The following FGF13 variants were observed in gnomAD, a reference collection of about 807,000 sequenced individuals.
FGF13 encodes the protein fibroblast growth factor 13, also known as fibroblast growth factor homologous factor 2.
Under a neutral mutation model 19.5 loss-of-function variants are expected in FGF13, and 2 were observed. The ratio of observed to expected loss-of-function variants is 0.10; its 90% CI spans 0.04 to 0.32. FGF13 has a LOEUF of 0.32. Ranked by LOEUF, FGF13 falls within the 10% of genes least tolerant of loss-of-function variation. FGF13 has a pLI of 1.00. For synonymous variants in FGF13, 72 were observed against 76.9 expected, an observed-to-expected ratio of 0.94 and a Z score of 0.33; for missense variants, 113 against 192.7, an observed-to-expected ratio of 0.59 and a Z score of 2.45.
At chrX:138,723,571 A>T (rs2090163503) in intron 1 of FGF13, among the ~76,000 whole-genome samples, 2 of 111,535 alleles carry the variant, frequency 1.8e-5, no homozygotes, top group South Asian at 7.5e-4. Flanking sequence ...CGATGCGTGG[A>T]ATTCATGAAT....
chrX:138,855,531 G>A (rs2091252267), downstream of FGF13, among the ~76,000 whole-genome samples: 1 of 111,751 alleles, frequency 8.9e-6, no homozygotes, highest in Admixed American at 9.6e-5. Flanking sequence ...GCAAGACTGA[G>A]GAAAATCTCC....
In FGF13 at chrX:138,616,292, T is replaced by A. The variant is rs2088966901; in HGVS notation, c.*16558A>T. On this transcript the variant is annotated 3_prime_UTR_variant, in exon 5 of 5. Coordinates refer to ENST00000315930, the MANE Select transcript of FGF13 (RefSeq NM_004114.5). ...ATTGAGTAAAAATACCCATTCCAAA[T>A]GGGAGAAGTTGGCCAAAACAAAGGG... The A allele has an allele frequency of 8.9e-6, 1 of 112,517 alleles. No homozygotes were observed. Among genetic ancestry groups the A allele is most frequent in the Admixed American group, 9.4e-5 (1 of 10,657 alleles). The allele number at this position is 112,517 out of a possible 1,213,427, so 9.3% of individuals were successfully genotyped here.
At chrX:138,755,290 C>G (rs1259948575) in intron 3 of FGF13, among the ~76,000 whole-genome samples, 8 of 111,960 alleles carry the variant, frequency 7.1e-5, no homozygotes, top group African/African-American at 2.6e-4. Context: ...ATCAATCAAT[C>G]AATAAACCAA....
At chrX:139,124,634 C>T (rs1378069651) in intron 1 of FGF13, among the ~76,000 whole-genome samples, 3 of 111,722 alleles carry the variant, frequency 2.7e-5, no homozygotes, top group Non-Finnish European at 5.6e-5. Context: ...CTCTAGCTTC[C>T]ACTCTGAGTC....
chrX:138,744,765 T>G (rs1253402375), intron 3 of FGF13, among the ~76,000 whole-genome samples: 9 of 111,713 alleles, frequency 8.1e-5, no homozygotes, highest in African/African-American at 2.9e-4. Flanking sequence ...GGAACGAGTC[T>G]AAATGGGAAG....
At chrX:139,196,433 G>A (rs189749587) in intron 1 of FGF13, among the ~76,000 whole-genome samples, 29 of 111,707 alleles carry the variant, frequency 2.6e-4, no homozygotes, top group African/African-American at 9.1e-4. Flanking sequence ...CCAGGCCAGA[G>A]AAGAAGGAAA....
intron 1 of FGF13, among the ~76,000 whole-genome samples, chrX:139,169,040 T>C (rs2084108990): frequency 8.9e-6 from 1 of 112,112 alleles, no homozygotes; most frequent in Non-Finnish European, 1.9e-5. Context: ...AGGCACTGTG[T>C]TAAGCACTTT....
chrX:139,119,018 A>G (rs1421475325), intron 1 of FGF13, among the ~76,000 whole-genome samples: 1 of 110,838 alleles, frequency 9.0e-6, no homozygotes, highest in Admixed American at 9.6e-5. Flanking sequence ...CCACCAACAC[A>G]AAACCCCATC....
downstream of FGF13, among the ~76,000 whole-genome samples, chrX:138,854,325 T>C (rs1234951373): frequency 1.8e-5 from 2 of 111,963 alleles, no homozygotes; most frequent in Non-Finnish European, 3.8e-5. Flanking sequence ...AATAGAAACC[T>C]GGTATTGGCA....
intron 3 of FGF13, among the ~76,000 whole-genome samples, chrX:138,746,345 AAGTT>A (rs762942395): frequency 9.0e-6 from 1 of 110,914 alleles, no homozygotes; most frequent in South Asian, 3.9e-4. Flanking sequence ...ATGAGGATCT[AAGTT>A]AGCACCTCGT....
intron 1 of FGF13, among the ~76,000 whole-genome samples, chrX:139,081,097 G>A (rs761704262): frequency 9.0e-6 from 1 of 110,592 alleles, no homozygotes; most frequent in Non-Finnish European, 1.9e-5. Flanking sequence ...GCTCCAATTC[G>A]TTTCCTCCCA....
At chrX:138,961,010 GT>G (rs1381235842) in intron 1 of FGF13, among the ~76,000 whole-genome samples, 1 of 111,363 alleles carries the variant, frequency 9.0e-6, no homozygotes, top group Non-Finnish European at 1.9e-5. Context: ...GCCTACTTCT[GT>G]CAACTCGTCA....
intron 1 of FGF13, among the ~76,000 whole-genome samples, chrX:138,882,776 T>C (rs897523761): frequency 6.3e-5 from 7 of 111,689 alleles, no homozygotes; most frequent in Non-Finnish European, 1.3e-4. Context: ...AACTCTTGCA[T>C]GGAAACTCAA....
chrX:138,806,047 T>C (rs776183706), intron 3 of FGF13, among the ~76,000 whole-genome samples: 1 of 111,969 alleles, frequency 8.9e-6, no homozygotes, highest in Non-Finnish European at 1.9e-5. Flanking sequence ...ACTAGGTTAA[T>C]GAAAATAAGA....
At chrX:138,778,580 C>A (rs914464783) in intron 3 of FGF13, among the ~76,000 whole-genome samples, 2 of 112,310 alleles carry the variant, frequency 1.8e-5, no homozygotes, top group Non-Finnish European at 3.8e-5. Flanking sequence ...AATCGGGTCT[C>A]TCCCACGCTA....
intron 3 of FGF13, among the ~76,000 whole-genome samples, chrX:138,781,494 G>A (rs1261967694): frequency 1.3e-4 from 14 of 108,872 alleles, no homozygotes; most frequent in East Asian, 2.9e-4. Flanking sequence ...TATCACCACC[G>A]ATCCCACAGA....
chrX:138,929,878 G>T lies in FGF13; in HGVS notation c.-112-65228C>A, dbSNP rs190073270. Among the ~76,000 whole-genome samples the T allele has an allele frequency of 7.2e-3, 784 of 108,347 alleles. 8 individuals carry two copies. Among genetic ancestry groups the T allele is most frequent in the African/African-American group, 0.025 (733 of 29,727 alleles). The allele number at this position is 108,347 out of a possible 115,157, so 94.1% of individuals were successfully genotyped here. A position where few individuals can be genotyped will look rare whatever the true frequency, so the allele number is the denominator to read the frequency against. ...GCTGTGTGTGTGTGTGTGTGTGTGT[G>T]TGTGTGTGTGTGTGTGTGTGTGTGC... On this transcript the variant is annotated intron_variant, in intron 1 of 2. Transcript: ENST00000421460.
chrX:138,952,746 C>A (rs1291613822), intron 1 of FGF13, among the ~76,000 whole-genome samples: 5 of 111,611 alleles, frequency 4.5e-5, no homozygotes, highest in African/African-American at 9.8e-5. Flanking sequence ...AAACAAACAA[C>A]CCCATCAACA....
chrX:138,668,642 T>C (rs1322887023), intron 3 of FGF13, among the ~76,000 whole-genome samples: 1 of 109,328 alleles, frequency 9.1e-6, no homozygotes, highest in African/African-American at 3.3e-5. Flanking sequence ...AGAATACATT[T>C]AATAATCTAG....
Sources: allele counts gnomAD v4.1 joint callset (sites outside exome capture counted in the v4.1 genomes callset), GRCh38; gene constraint gnomAD v4.1.1; transcripts MANE v1.5; gene names NCBI Gene and HGNC (gene_info 2026-07-23, HGNC 2026-07-21).